FAM184B: variants seen among roughly 807,000 people sequenced by gnomAD.
FAM184B encodes protein FAM184B.
In FAM184B, 111 loss-of-function variants were observed where a neutral mutation model predicts 135.9. The observed-to-expected ratio is 0.82, with a 90% CI of 0.70 to 0.96. The LOEUF is 0.96. Among genes scored for constraint, FAM184B ranks in the 40% least tolerant of loss-of-function variants. FAM184B has a pLI of 0.00. For synonymous variants in FAM184B, 552 were observed against 524.8 expected (o/e 1.05, Z -0.71); for missense variants, 1,375 against 1,323.9 (o/e 1.04, Z -0.60).
chr4:17,640,416 G>A (rs1455956552), intron 13 of FAM184B, among the ~76,000 whole-genome samples: 1 of 150,810 alleles, frequency 6.6e-6, no homozygotes, highest in Admixed American at 6.6e-5. Flanking sequence ...CCTGGGAGGT[G>A]GAGGTTGCAG....
At chr4:17,640,411 G>C (rs1031331597) in intron 13 of FAM184B, among the ~76,000 whole-genome samples, 2 of 151,296 alleles carry the variant, frequency 1.3e-5, no homozygotes, top group Non-Finnish European at 2.9e-5. Context: ...TTGAACCTGG[G>C]AGGTGGAGGT....
At chr4:17,708,830 T>C in intron 2 of FAM184B, 62 bp downstream of exon 2, 2 of 1,446,402 alleles carry the variant, frequency 1.4e-6, no homozygotes, top group Non-Finnish European at 1.8e-6. Flanking sequence ...CTATAGCAGG[T>C]TCACAATAAG....
intron 1 of FAM184B, among the ~76,000 whole-genome samples, chr4:17,747,920 C>CAAAAAAA (rs71167333): frequency 7.4e-4 from 16 of 21,706 alleles, no homozygotes; most frequent in African/African-American, 2.9e-3. Context: ...GACTCTGTCT[C>CAAAAAAA]AAAAAAAAAA....
rs1397246777 is a variant in FAM184B, at chr4:17,635,094, T to C, written c.2804A>G (p.Tyr935Cys). 1 of 1,551,428 alleles carries C rather than the reference T, an allele frequency of 6.4e-7. No homozygotes were observed. The highest frequency in any genetic ancestry group is 8.7e-7 in the Non-Finnish European group (1 of 1,146,890). Residue 935 changes from tyrosine (Y) to cysteine (C), a missense_variant, in exon 16 of 18, where the codon TAC becomes TGC. Tyr to Cys is a radical substitution (Grantham distance 194). Coordinates refer to ENST00000265018, the MANE Select transcript of FAM184B (RefSeq NM_015688.2). Reference sequence around the variant, plus strand: ...GGACATGGCACTGGGGAATGCTGCGTAGTGAAATCTTCTCTCTTCCTAGAA... The same window carrying C: ...GGACATGGCACTGGGGAATGCTGCGCAGTGAAATCTTCTCTCTTCCTAGAA... The part of the protein sequence containing the change: ...KQLTEERRFH[Y>C]AAFPSAMSHR...
intron 7 of FAM184B, among the ~76,000 whole-genome samples, chr4:17,684,451 A>T (rs928912411): frequency 6.6e-6 from 1 of 152,134 alleles, no homozygotes; most frequent in Non-Finnish European, 1.5e-5. Context: ...TGGATTGCTT[A>T]TTTGAAAAGA....
At chr4:17,657,655 CTTT>C (rs58666074) in intron 10 of FAM184B, among the ~76,000 whole-genome samples, 2 of 114,464 alleles carry the variant, frequency 1.7e-5, no homozygotes, top group African/African-American at 3.4e-5. Context: ...CTGAGCTGTT[CTTT>C]TTTTTTTTTT....
chr4:17,717,350 T>C lies in FAM184B; in HGVS notation c.142-7706A>G, dbSNP rs115308318. Among the ~76,000 whole-genome samples, 1,340 of 152,292 alleles carry C rather than the reference T, an allele frequency of 8.8e-3. 13 individuals are homozygous for C. Among genetic ancestry groups the C allele is most frequent in the African/African-American group, 0.029 (1,221 of 41,550 alleles). On this transcript the variant is annotated intron_variant, in intron 1 of 17. Coordinates refer to ENST00000265018, the MANE Select transcript of FAM184B (RefSeq NM_015688.2). ...AGAGACACAATCTCCTCCAACTTGT[T>C]CTGAATATCTGAAATCATTGAGCAG... is the stretch of plus-strand genomic sequence containing the variant.
At chr4:17,700,292 T>C (rs939959885) in intron 5 of FAM184B, among the ~76,000 whole-genome samples, 2 of 152,076 alleles carry the variant, frequency 1.3e-5, no homozygotes, top group Non-Finnish European at 2.9e-5. Flanking sequence ...GCACTTTTAA[T>C]AGAAAGACAC....
intron 1 of FAM184B, among the ~76,000 whole-genome samples, chr4:17,747,696 C>T (rs1334898468): frequency 5.3e-5 from 8 of 151,540 alleles, no homozygotes; most frequent in African/African-American, 1.7e-4. Context: ...CCGAGGCGGG[C>T]GGATCATGAG....
At chr4:17,650,417 A>C (rs1715584586) in intron 11 of FAM184B, among the ~76,000 whole-genome samples, 1 of 152,276 alleles carries the variant, frequency 6.6e-6, no homozygotes, top group Non-Finnish European at 1.5e-5. Context: ...AGAGTCCACA[A>C]AGCCCCTTCT....
chr4:17,708,686 T>TATATATATATAG (rs1717172082), intron 2 of FAM184B, among the ~76,000 whole-genome samples: 1 of 49,200 alleles, frequency 2.0e-5, no homozygotes, highest in African/African-American at 8.8e-5. Context: ...TATATATATA[T>TATATATATATAG]ATATATATAT....
intron 12 of FAM184B, among the ~76,000 whole-genome samples, chr4:17,643,113 G>C (rs1010556555): frequency 6.6e-6 from 1 of 152,184 alleles, no homozygotes; most frequent in Non-Finnish European, 1.5e-5. Flanking sequence ...GAGCAGGGGG[G>C]TTACTGCTCT....
chr4:17,647,914 T>A, intron 11 of FAM184B, 123 bp from the exon 12 acceptor site: 1 of 1,114,142 alleles, frequency 9.0e-7, no homozygotes, highest in Admixed American at 2.7e-5. Flanking sequence ...TTGTGGTGGG[T>A]TAGGTTCCCC....
chr4:17,685,473 C>A (rs1052074152), intron 7 of FAM184B, among the ~76,000 whole-genome samples: 2 of 146,120 alleles, frequency 1.4e-5, no homozygotes, highest in African/African-American at 5.1e-5. Flanking sequence ...CGCTTGAACC[C>A]GGGAGGTGGA....
chr4:17,742,039 C>T (rs749489136), intron 1 of FAM184B, among the ~76,000 whole-genome samples: 1 of 151,382 alleles, frequency 6.6e-6, no homozygotes, highest in Non-Finnish European at 1.5e-5. Flanking sequence ...TACCTACAGT[C>T]AGCAATAATA....
At chr4:17,700,698 T>C (rs1298885531) in intron 5 of FAM184B, among the ~76,000 whole-genome samples, 1 of 152,158 alleles carries the variant, frequency 6.6e-6, no homozygotes, top group African/African-American at 2.4e-5. Flanking sequence ...CAGATTCTTT[T>C]CAAGTACACA....
rs1715085474 is a variant in FAM184B at position 17,635,090 on chromosome 4, T to G, written c.2808A>C (p.Ala936=). ...GGTGGGACATGGCACTGGGGAATGC[T>G]GCGTAGTGAAATCTTCTCTCTTCCT... ...QLTEERRFHY[A]AFPSAMSHRN... is the part of the protein sequence containing the mutation. Residue 936 remains alanine, a synonymous_variant, in exon 16 of 18, where the codon GCA becomes GCC. Coordinates refer to ENST00000265018, the MANE Select transcript of FAM184B (RefSeq NM_015688.2). 6.4e-7 allele frequency: 1 copy of G among 1,551,672 alleles called. No homozygotes were observed. Among genetic ancestry groups the G allele is most frequent in the Non-Finnish European group, 8.7e-7 (1 of 1,146,944 alleles).
chr4:17,666,301 A>C (rs1285813544), intron 7 of FAM184B, among the ~76,000 whole-genome samples: 1 of 139,076 alleles, frequency 7.2e-6, no homozygotes, highest in Non-Finnish European at 1.5e-5. Flanking sequence ...TATTCCCTGG[A>C]ATTCTTTTTT....
At position 17,652,916 on chromosome 4, in the gene FAM184B, A is replaced by C. The variant is rs368203120; in HGVS notation, c.2105T>G (p.Leu702Arg). 910 of 1,551,740 alleles carry C rather than the reference A, an allele frequency of 5.9e-4. 11 individuals are homozygous for C. The South Asian group carries it at 0.01, about 17-fold the overall frequency. The change falls in exon 11 of 18, where the codon CTG (leucine) becomes CGG (arginine). Residue 702 changes from leucine (L) to arginine (R), a missense_variant. Transcript: ENST00000265018. ...CTTTTCCTCCAAGGCCTGGAGCTCC[A>C]GTCGGTGTGTCTGGTGTTGGATCTG... ...SLQIQHQTHR[L>R]ELQALEEKAR...
Sources: gnomAD v4.1 joint callset for allele counts (sites outside exome capture counted in the v4.1 genomes callset) on GRCh38, gnomAD v4.1.1 for gene constraint, MANE v1.5 for transcripts, NCBI Gene and HGNC (gene_info 2026-07-23, HGNC 2026-07-21) for gene names.